The following GLIS3 variants were observed in gnomAD, a reference collection of about 807,000 sequenced individuals.
The protein encoded by GLIS3 is GLIS family zinc finger 3, also known as zinc finger protein GLIS3.
A neutral mutation model predicts 78.6 loss-of-function variants in GLIS3; 53 were observed. The ratio of observed to expected loss-of-function variants is 0.67; its 90% confidence interval spans 0.54 to 0.85. The LOEUF is 0.85. Among genes scored for constraint, GLIS3 ranks in the 40% least tolerant of loss-of-function variants. The pLI, the probability that GLIS3 is intolerant of heterozygous loss-of-function variation, is 0.00. For missense variants in GLIS3, 1,703 were observed against 1,231.1 expected (o/e 1.38, Z -5.74); for synonymous variants, 684 against 509.9 (o/e 1.34, Z -4.60).
chr9:3,959,149 G>A (rs574634101), intron 4 of GLIS3, among the ~76,000 whole-genome samples: 120 of 152,290 alleles, frequency 7.9e-4, no homozygotes, highest in Non-Finnish European at 1.4e-3. Context: ...GGGAGGCCAC[G>A]AGGGCATTCT....
At chr9:4,251,314 G>A (rs116309658) in intron 2 of GLIS3, among the ~76,000 whole-genome samples, 2 of 152,056 alleles carry the variant, frequency 1.3e-5, no homozygotes, top group Non-Finnish European at 2.9e-5. Flanking sequence ...TGTATATTTA[G>A]GATAGTTTAC....
intron 4 of GLIS3, among the ~76,000 whole-genome samples, chr9:4,090,764 G>A (rs1056504251): frequency 6.6e-6 from 1 of 152,202 alleles, no homozygotes; most frequent in African/African-American, 2.4e-5. Context: ...AGCACGTGAA[G>A]TGGTAAACAT....
the GLIS3 span, among the ~76,000 whole-genome samples, chr9:4,442,095 T>C: frequency 1.3e-5 from 2 of 152,210 alleles, no homozygotes; most frequent in African/African-American, 4.8e-5. Flanking sequence ...TTTTCTTAGA[T>C]GGGAGACTTT....
chr9:4,148,561 C>T (rs1414933493), intron 2 of GLIS3, among the ~76,000 whole-genome samples: 1 of 152,028 alleles, frequency 6.6e-6, no homozygotes, highest in Non-Finnish European at 1.5e-5. Flanking sequence ...TCTCACCTTT[C>T]CCCCTAAACT....
rs187428207 is a variant in GLIS3 at position 4,307,300 on chromosome 9, A to T, written n.584+1477T>A. Among the ~76,000 whole-genome samples, 268 of 152,326 alleles carry T rather than the reference A, an allele frequency of 1.8e-3. 1 individual carries two copies. The highest frequency in any genetic ancestry group is 6.0e-3 in the African/African-American group (248 of 41,560). On this transcript the variant is annotated intron_variant and non_coding_transcript_variant, in intron 4 of 4. Coordinates refer to the GLIS3 transcript ENST00000471664. ...CATGTTGATGAGATATGTGATAAAC[A>T]TAATTTATGTAAAATTTAAGAACAA...
At chr9:3,851,795 A>G (rs1819450029) in intron 9 of GLIS3, among the ~76,000 whole-genome samples, 1 of 152,220 alleles carries the variant, frequency 6.6e-6, no homozygotes, top group African/African-American at 2.4e-5. Context: ...GGAAAAATAT[A>G]AATGTATATT....
chr9:4,069,714 G>A (rs949702944), intron 4 of GLIS3, among the ~76,000 whole-genome samples: 10 of 152,058 alleles, frequency 6.6e-5, no homozygotes, highest in African/African-American at 2.4e-4. Flanking sequence ...TACTTACAGG[G>A]AAATTAAGCC....
At chr9:4,374,543 C>G in the GLIS3 span, among the ~76,000 whole-genome samples, 4 of 152,360 alleles carry the variant, frequency 2.6e-5, no homozygotes, top group Non-Finnish European at 4.4e-5. Context: ...CCAGGCAAAG[C>G]TCACACATGG....
intron 2 of GLIS3, among the ~76,000 whole-genome samples, chr9:4,208,141 A>G (rs561992626): frequency 1.3e-5 from 2 of 152,300 alleles, no homozygotes; most frequent in East Asian, 3.9e-4. Flanking sequence ...CCTGGGAGAA[A>G]AGCTTTTATT....
At chr9:4,210,651 T>C (rs1820295865) in intron 2 of GLIS3, among the ~76,000 whole-genome samples, 1 of 152,208 alleles carries the variant, frequency 6.6e-6, no homozygotes, top group Non-Finnish European at 1.5e-5. Flanking sequence ...AAGCAAGGCT[T>C]TCTGGGAAAT....
rs1826105622 is a variant in GLIS3, at chr9:4,055,777, C to A, written c.1710+61991G>T. Among the ~76,000 whole-genome samples the A allele has an allele frequency of 3.9e-5, 6 of 152,196 alleles. 1 individual carries two copies. Among genetic ancestry groups the A allele is most frequent in the Admixed American group, 2.6e-4 (4 of 15,268 alleles). ...CAAGCTGGCTCAAGTTCAACAACAG[C>A]CAACTTCCAGCTTCATTGGAGGGAT... On this transcript the variant is annotated intron_variant, in intron 4 of 10. Transcript: ENST00000381971.
At chr9:3,885,561 G>A (rs1237537098) in intron 7 of GLIS3, among the ~76,000 whole-genome samples, 1 of 152,194 alleles carries the variant, frequency 6.6e-6, no homozygotes, top group Admixed American at 6.5e-5. Context: ...GGGAAGAGGT[G>A]TTGGCTCACC....
chr9:3,950,280 T>A (rs562541549), intron 4 of GLIS3, among the ~76,000 whole-genome samples: 2 of 152,210 alleles, frequency 1.3e-5, no homozygotes, highest in African/African-American at 4.8e-5. Context: ...TCACCCACCA[T>A]CTAGTGTCAC....
chr9:3,898,596 T>G (rs767726512), intron 7 of GLIS3, 95 bp downstream of exon 7: 1 of 1,478,416 alleles, frequency 6.8e-7, no homozygotes, highest in African/African-American at 1.4e-5. Context: ...ACAGACGATC[T>G]TAGGAAAATT....
At chr9:3,931,658 G>A (rs1431112834) in intron 6 of GLIS3, among the ~76,000 whole-genome samples, 1 of 152,220 alleles carries the variant, frequency 6.6e-6, no homozygotes, top group African/African-American at 2.4e-5. Flanking sequence ...GAAGCACAGT[G>A]CAGTCAACCA....
intron 7 of GLIS3, 33 bp from the exon 8 acceptor site, chr9:3,879,628 G>A (rs762118608): frequency 1.2e-6 from 2 of 1,612,408 alleles, no homozygotes; most frequent in Middle Eastern, 1.7e-4. Context: ...ATGAGACCGT[G>A]CCCCAAAGGA....
At chr9:4,184,479 T>C (rs1434317834) in intron 2 of GLIS3, among the ~76,000 whole-genome samples, 1 of 152,204 alleles carries the variant, frequency 6.6e-6, no homozygotes, top group Admixed American at 6.5e-5. Context: ...CTTGGATAAG[T>C]CCCCTTGGTG....
the GLIS3 span, among the ~76,000 whole-genome samples, chr9:4,485,005 T>A: frequency 7.0e-6 from 1 of 142,854 alleles, no homozygotes; most frequent in Admixed American, 6.9e-5. Flanking sequence ...TTCTTTTTCC[T>A]TTTTTTGGGG....
intron 2 of GLIS3, among the ~76,000 whole-genome samples, chr9:4,273,803 C>T (rs1031565471): frequency 2.0e-5 from 3 of 152,092 alleles, no homozygotes; most frequent in Non-Finnish European, 1.5e-5. Context: ...TACCCAAGAT[C>T]CCCAATCTCT....
Sources: allele counts gnomAD v4.1 joint callset (sites outside exome capture counted in the v4.1 genomes callset), GRCh38; gene constraint gnomAD v4.1.1; transcripts MANE v1.5; gene names NCBI Gene and HGNC (gene_info 2026-07-23, HGNC 2026-07-21).